TIAL1: variants seen among roughly 807,000 people sequenced by gnomAD.
TIAL1 encodes nucleolysin TIAR.
A neutral mutation model predicts 59.7 loss-of-function variants in TIAL1; 7 were observed. The ratio of observed to expected loss-of-function variants is 0.12; its 90% confidence interval spans 0.07 to 0.22. The LOEUF (loss-of-function observed/expected upper bound fraction) is 0.22, where lower values mean the gene tolerates loss of function less well. Ranked by LOEUF, TIAL1 falls within the 10% of genes least tolerant of loss-of-function variation. The pLI, the probability that TIAL1 is intolerant of heterozygous loss-of-function variation, is 1.00. For missense variants in TIAL1, 225 were observed against 462.5 expected (o/e 0.49, Z 4.71); for synonymous variants, 149 against 146.3 (o/e 1.02, Z -0.13).
intron 6 of TIAL1, 50 bp downstream of exon 6, chr10:119,579,885 A>G (rs144339118): frequency 4.9e-6 from 7 of 1,434,646 alleles, no homozygotes; most frequent in East Asian, 2.5e-5. Context: ...TTAAGTAACT[A>G]ATGACTAAAT....
chr10:119,582,086 G>GAAAA lies in TIAL1; in HGVS notation c.283+79_284-78dup. On this transcript the variant is annotated intron_variant, in intron 4 of 11. Transcript: ENST00000436547. This position sits in a 1 kb window ranked among gnomAD's most constrained non-coding sequence, Gnocchi z 5.1. Reference sequence around the variant, plus strand: ...CCTTTTTAAGGCAACTCTAGAGGAGGAAAAAAAAACCTATTTAAGCTGGTA... The same window carrying GAAAA: ...CCTTTTTAAGGCAACTCTAGAGGAGGAAAAAAAAAAAAACCTATTTAAGCTGGTA... The GAAAA allele has an allele frequency of 3.2e-6, 5 of 1,566,442 alleles. No individual in the cohort carries two copies. Among genetic ancestry groups the GAAAA allele is most frequent in the Non-Finnish European group, 4.3e-6 (5 of 1,150,204 alleles).
chr10:119,592,034 T>C (rs1449272053), intron 1 of TIAL1: 2 of 152,212 alleles, frequency 1.3e-5, no homozygotes, highest in Non-Finnish European at 2.9e-5. Context: ...TTCCAAATTA[T>C]AGCTTCTACA....
At chr10:119,589,582 A>C (rs1235432719) in intron 1 of TIAL1, among the ~76,000 whole-genome samples, 1 of 152,172 alleles carries the variant, frequency 6.6e-6, no homozygotes, top group Non-Finnish European at 1.5e-5. Context: ...ACTAAGACAA[A>C]TCCAGGCATA....
intron 1 of TIAL1, among the ~76,000 whole-genome samples, chr10:119,596,176 G>A (rs956178567): frequency 3.3e-5 from 5 of 152,156 alleles, no homozygotes; most frequent in East Asian, 1.9e-4. Context: ...CCCGGCCTAG[G>A]GAGGGCATGC....
At chr10:119,591,661 C>T (rs902131118) in intron 1 of TIAL1, among the ~76,000 whole-genome samples, 1 of 152,148 alleles carries the variant, frequency 6.6e-6, no homozygotes, top group African/African-American at 2.4e-5. Flanking sequence ...CAAAAACTAA[C>T]ATGAAAGGCC....
intron 7 of TIAL1, among the ~76,000 whole-genome samples, chr10:119,577,955 G>A (rs570160722): frequency 2.6e-5 from 4 of 151,892 alleles, no homozygotes; most frequent in South Asian, 4.2e-4. Context: ...GGCAGGGCAC[G>A]GTGGCTCACG....
intron 2 of TIAL1, among the ~76,000 whole-genome samples, chr10:119,583,195 G>A (rs888368760): frequency 3.9e-5 from 6 of 152,114 alleles, no homozygotes; most frequent in African/African-American, 1.4e-4. Context: ...ATGTACTGAA[G>A]ATTCTATATA....
Position 119,596,572 on chromosome 10 carries a change from G to A in TIAL1, c.-107C>T. ...GCTCTGGGCACCGGCTGGGGACAGA[G>A]GAAAAGGCACCGAACCCTGCTCTCG... On this transcript the variant is annotated 5_prime_UTR_variant, in exon 1 of 12. Transcript: ENST00000436547. The A allele has an allele frequency of 3.3e-6, 3 of 918,288 alleles. No homozygotes were observed. Among genetic ancestry groups the A allele is most frequent in the Non-Finnish European group, 4.9e-6 (3 of 610,016 alleles). 56.9% of individuals were successfully genotyped at this position (918,288 alleles called of 1,614,324 possible). A position where few individuals can be genotyped will look rare whatever the true frequency, so the allele number is the denominator to read the frequency against.
At position 119,574,093 on chromosome 10, in the gene TIAL1, A is replaced by C. The variant is rs1404091177; in HGVS notation, c.*1572T>G. On this transcript the variant is annotated 3_prime_UTR_variant, in exon 12 of 12. Coordinates refer to ENST00000436547, the MANE Select transcript of TIAL1 (RefSeq NM_003252.4). Reference sequence around the variant, plus strand: ...GTGCCCAGGCCAGCATTTTGAATACATTGCCAAAACATTTGCACTCCCTAG... The same window carrying C: ...GTGCCCAGGCCAGCATTTTGAATACCTTGCCAAAACATTTGCACTCCCTAG... 2 of 152,660 alleles carry C rather than the reference A, an allele frequency of 1.3e-5. No homozygotes were observed. The allele number at this position is 152,660 out of a possible 1,614,324, so 9.5% of individuals were successfully genotyped here.
intron 1 of TIAL1, among the ~76,000 whole-genome samples, chr10:119,591,583 GTATTAA>G (rs1845883192): frequency 6.6e-6 from 1 of 152,122 alleles, no homozygotes; most frequent in African/African-American, 2.4e-5. Flanking sequence ...TAAAAATCCA[GTATTAA>G]GGTTTCCTAT....
rs1242849556 is a variant in TIAL1, at chr10:119,574,705, G to A, written c.*960C>T. On this transcript the variant is annotated 3_prime_UTR_variant, in exon 12 of 12. Coordinates refer to ENST00000436547, the MANE Select transcript of TIAL1 (RefSeq NM_003252.4). ...TTAAGGCTTTTTCTGCACAATTTGTGTAATTTTAATTTTACATAGTAGCCA... is the reference window on the plus strand; with the variant it reads ...TTAAGGCTTTTTCTGCACAATTTGTATAATTTTAATTTTACATAGTAGCCA... 2.0e-5 allele frequency: 3 copies of A among 151,574 alleles called. No individual in the cohort carries two copies. The highest frequency in any genetic ancestry group is 6.6e-5 in the Admixed American group (1 of 15,140). 9.4% of individuals were successfully genotyped at this position (151,574 alleles called of 1,614,324 possible).
At chr10:119,591,364 G>A (rs967257952) in intron 1 of TIAL1, among the ~76,000 whole-genome samples, 3 of 151,092 alleles carry the variant, frequency 2.0e-5, no homozygotes, top group Non-Finnish European at 2.9e-5. Flanking sequence ...CTGAGATCGC[G>A]CCATGGCACT....
chr10:119,578,776 C>T lies in TIAL1; in HGVS notation c.506G>A (p.Arg169Gln). Residue 169 changes from arginine (R) to glutamine (Q), a missense_variant, in exon 7 of 12, where the codon CGA becomes CAA. Around this residue, in one of 4 missense-constraint regions of TIAL1, gnomAD observed 38 missense variants for 173.0 expected, o/e 0.22. Transcript: ENST00000436547. Reference protein sequence around the residue: ...GGQWLGGRQIRTNWATRKPPA... With the variant: ...GGQWLGGRQIQTNWATRKPPA... ...TGGTTTACGAGTGGCCCAATTGGTT[C>T]GGATTTGACGACCACCCAACCACTG... 1 of 1,614,144 alleles carries T rather than the reference C, an allele frequency of 6.2e-7. No individual in the cohort carries two copies. Among genetic ancestry groups the T allele is most frequent in the Non-Finnish European group, 8.5e-7 (1 of 1,180,016 alleles).
intron 10 of TIAL1, 81 bp from the exon 11 acceptor site, chr10:119,576,831 A>C (rs1845018317): frequency 4.5e-6 from 7 of 1,549,718 alleles, no homozygotes; most frequent in Admixed American, 1.9e-5. Context: ...AAGGAAGAGA[A>C]AAACTAAGTA....
chr10:119,578,084 G>A (rs1410256757), intron 7 of TIAL1, among the ~76,000 whole-genome samples: 1 of 152,058 alleles, frequency 6.6e-6, no homozygotes, highest in Non-Finnish European at 1.5e-5. Flanking sequence ...AATTGGCTGG[G>A]TGTGGTGGCA....
chr10:119,577,806 T>C (rs1845079158), intron 7 of TIAL1, 70 bp from the exon 8 acceptor site: 1 of 1,354,728 alleles, frequency 7.4e-7, no homozygotes, highest in Non-Finnish European at 1.1e-6. Context: ...TTAATTACTA[T>C]ATACTATTAA....
At chr10:119,592,410 C>G (rs1845926875) in intron 1 of TIAL1, 2 of 152,168 alleles carry the variant, frequency 1.3e-5, no homozygotes, top group Admixed American at 1.3e-4. Context: ...CATTGCCAAA[C>G]TACTTCCTGT....
intron 9 of TIAL1, 33 bp from the exon 10 acceptor site, chr10:119,577,236 T>C (rs1196594662): frequency 1.3e-6 from 2 of 1,577,550 alleles, no homozygotes; most frequent in Middle Eastern, 1.7e-4. Context: ...TTTTGTCTTT[T>C]ATTTTTTAAG....
intron 1 of TIAL1, 151 bp from the exon 2 acceptor site, chr10:119,588,399 A>C (rs770348412): frequency 1.3e-5 from 6 of 457,040 alleles, no homozygotes; most frequent in Non-Finnish European, 2.3e-5. Flanking sequence ...GCTGGAGTGC[A>C]ATGGCATGAT....
Sources: allele counts gnomAD v4.1 joint callset (sites outside exome capture counted in the v4.1 genomes callset), GRCh38; gene constraint gnomAD v4.1.1; regional missense constraint gnomAD v4.1.1; non-coding constraint Gnocchi (gnomAD v3.1); transcripts MANE v1.5; gene names NCBI Gene and HGNC (gene_info 2026-07-23, HGNC 2026-07-21).